Variants in WDR5 observed in about 807,000 individuals in gnomAD.
WDR5 encodes the protein WD repeat-containing protein 5.
For synonymous variants in WDR5, 144 were observed against 161.6 expected (o/e 0.89, Z 0.83); for missense variants, 187 against 416.9 (o/e 0.45, Z 4.80).
At position 134,139,910 on chromosome 9, in the gene WDR5, G is replaced by T. The variant is rs140529940; in HGVS notation, c.33G>T (p.Glu11Asp). The change falls in exon 2 of 14, where the codon GAG becomes GAT. Residue 11 changes from glutamate to aspartate, a missense_variant. By Grantham distance (45) the Glu-to-Asp change is conservative (BLOSUM62 2). Coordinates refer to ENST00000358625, the MANE Select transcript of WDR5 (RefSeq NM_017588.3). ...CGGAGGAGAAGAAGCCCGAGACCGA[G>T]GCCGCCAGAGCACAGCCAACCCCTT... MATEEKKPETEAARAQPTPSS... is the reference protein window; with the variant it reads MATEEKKPETDAARAQPTPSS... 2.4e-4 allele frequency: 394 copies of T among 1,613,402 alleles called. No homozygotes were observed. Among genetic ancestry groups the T allele is most frequent in the Non-Finnish European group, 3.2e-4 (378 of 1,180,018 alleles).
At position 134,139,943 on chromosome 9, in the gene WDR5, C is replaced by T. The variant is rs779582322; in HGVS notation, c.66C>T (p.Ser22=). 2.9e-5 allele frequency: 46 copies of T among 1,613,576 alleles called. No homozygotes were observed. Among genetic ancestry groups the T allele is most frequent in the African/African-American group, 4.0e-5 (3 of 74,880 alleles). The change falls in exon 2 of 14, where the codon TCC becomes TCT. Residue 22 remains serine, a synonymous_variant. Coordinates refer to ENST00000358625, the MANE Select transcript of WDR5 (RefSeq NM_017588.3). The part of the protein sequence containing the change: ...AARAQPTPSS[S]ATQSKPTPVK... Reference sequence around the variant, plus strand: ...GAGCACAGCCAACCCCTTCGTCATCCGCCACTCAGAGCAAGGTGCGTGCCC... The same window carrying T: ...GAGCACAGCCAACCCCTTCGTCATCTGCCACTCAGAGCAAGGTGCGTGCCC...
At chr9:134,142,826 C>A in intron 7 of WDR5, 107 bp downstream of exon 7, 2 of 1,139,924 alleles carry the variant, frequency 1.8e-6, no homozygotes, top group South Asian at 1.3e-5. Flanking sequence ...ATGGCCTGTG[C>A]CTAGCTGATT....
At position 134,152,028 on chromosome 9, in the gene WDR5, C is replaced by T. The variant is rs370007697; in HGVS notation, c.630C>T (p.Ile210=). The T allele has an allele frequency of 2.0e-5, 33 of 1,613,912 alleles. No individual in the cohort carries two copies. The highest frequency in any genetic ancestry group is 1.6e-4 in the Middle Eastern group (1 of 6,084). Residue 210 remains isoleucine (I), a splice_region_variant and synonymous_variant, in exon 9 of 14, where the codon ATC becomes ATT. Coordinates refer to ENST00000358625, the MANE Select transcript of WDR5 (RefSeq NM_017588.3). ...CAGGCCAGTGCCTGAAGACGCTCATCGGTGAGTGTGGCTCTGTGTGGGGGC... is the reference window on the plus strand; with the variant it reads ...CAGGCCAGTGCCTGAAGACGCTCATTGGTGAGTGTGGCTCTGTGTGGGGGC... ...TASGQCLKTL[I]DDDNPPVSFV...
chr9:134,140,104 ATG>A, intron 2 of WDR5, 146 bp downstream of exon 2: 1 of 955,100 alleles, frequency 1.0e-6, no homozygotes, highest in Non-Finnish European at 1.6e-6. Context: ...TATCTGGCGA[ATG>A]CTTGTTGCCT....
chr9:134,153,176 C>T (rs770864676), intron 9 of WDR5, among the ~76,000 whole-genome samples: 3 of 152,138 alleles, frequency 2.0e-5, no homozygotes, highest in East Asian at 1.9e-4. Context: ...TTGTGTGCGC[C>T]GCTGTTGTGT....
intron 4 of WDR5, 45 bp from the exon 5 acceptor site, chr9:134,141,904 C>T (rs371704581): frequency 2.5e-6 from 4 of 1,573,310 alleles, no homozygotes; most frequent in Non-Finnish European, 3.5e-6. Context: ...GCCGATGGTC[C>T]TATTTTGTCC....
chr9:134,154,758 A>G (rs1348886814), intron 10 of WDR5, among the ~76,000 whole-genome samples: 1 of 152,120 alleles, frequency 6.6e-6, no homozygotes, highest in Non-Finnish European at 1.5e-5. Flanking sequence ...CTATAGGAGG[A>G]TTTAGGGTCC....
intron 12 of WDR5, 132 bp from the exon 13 acceptor site, chr9:134,156,374 G>GT (rs2132589250): frequency 4.7e-6 from 4 of 857,310 alleles, no homozygotes; most frequent in South Asian, 1.6e-5. Flanking sequence ...GGGCTTTTTG[G>GT]TTGAGTTCAG....
intron 2 of WDR5, among the ~76,000 whole-genome samples, 198 bp from the exon 3 acceptor site, chr9:134,140,505 G>A (rs1831829735): frequency 6.6e-6 from 1 of 152,154 alleles, no homozygotes; most frequent in African/African-American, 2.4e-5. Flanking sequence ...GGTCTTGTGG[G>A]GAAGTAGTGG....
chr9:134,156,631 T>C, intron 13 of WDR5, 38 bp downstream of exon 13: 2 of 1,601,382 alleles, frequency 1.2e-6, no homozygotes, highest in African/African-American at 1.3e-5. Context: ...GGCTGCCTGT[T>C]GATGTGAGGA....
chr9:134,149,559 C>T (rs1832391400), intron 8 of WDR5, among the ~76,000 whole-genome samples: 1 of 152,208 alleles, frequency 6.6e-6, no homozygotes, highest in Non-Finnish European at 1.5e-5. Context: ...TGCCACCCTC[C>T]CGGCCCCTCT....
intron 1 of WDR5, among the ~76,000 whole-genome samples, chr9:134,136,427 G>C (rs1588164832): frequency 6.6e-6 from 1 of 151,346 alleles, no homozygotes; most frequent in South Asian, 2.1e-4. Flanking sequence ...CCCCACTCGC[G>C]CCCCCACCTC....
intron 12 of WDR5, 74 bp from the exon 13 acceptor site, chr9:134,156,432 A>T: frequency 4.3e-5 from 60 of 1,389,876 alleles, no homozygotes; most frequent in Non-Finnish European, 5.1e-5. Context: ...ATAACTGGAG[A>T]TTCTCTCCCT....
rs1831786010 is a variant in WDR5, at chr9:134,139,887, G to C, written c.10G>C (p.Glu4Gln). 1 of 1,613,490 alleles carries C rather than the reference G, an allele frequency of 6.2e-7. No homozygotes were observed. The highest frequency in any genetic ancestry group is 8.5e-7 in the Non-Finnish European group (1 of 1,180,000). ...GGCCAGCGTCAGAGCCATGGCGACG[G>C]AGGAGAAGAAGCCCGAGACCGAGGC... MAT[E>Q]EKKPETEAAR... The change falls in exon 2 of 14, where the codon GAG becomes CAG. Residue 4 changes from glutamate to glutamine, a missense_variant. Coordinates refer to ENST00000358625, the MANE Select transcript of WDR5 (RefSeq NM_017588.3).
At chr9:134,145,096 G>GTTTTTTGTTTTTTTTT (rs1316019740) in intron 7 of WDR5, among the ~76,000 whole-genome samples, 6 of 104,720 alleles carry the variant, frequency 5.7e-5, no homozygotes, top group East Asian at 3.3e-4. Context: ...GTGGGGCTTT[G>GTTTTTTGTTTTTTTTT]TTTTTTTTTT....
intron 7 of WDR5, among the ~76,000 whole-genome samples, chr9:134,146,917 G>A (rs1429067077): frequency 3.3e-5 from 5 of 152,224 alleles, no homozygotes; most frequent in African/African-American, 1.2e-4. Context: ...TGTTGGAGCA[G>A]AAACAGGTAC....
In WDR5 at chr9:134,151,944, C is replaced by G; in HGVS notation, c.585-39C>G. The G allele has an allele frequency of 3.1e-6, 5 of 1,608,522 alleles. No individual in the cohort carries two copies. The Middle Eastern group carries it at 5.0e-4, about 160-fold the overall frequency. ...CCCAGCAGCCCGCGTGAGATCATAA[C>G]TTGTCTGCTTACGCTTTTTTGTTCT... On this transcript the variant is annotated intron_variant, in intron 8 of 13. Transcript: ENST00000358625.
At chr9:134,151,309 T>G (rs1347575669) in intron 8 of WDR5, among the ~76,000 whole-genome samples, 1 of 152,078 alleles carries the variant, frequency 6.6e-6, no homozygotes, top group Admixed American at 6.6e-5. Flanking sequence ...GGCTTCTCCA[T>G]GGGTGAGAGA....
chr9:134,148,391 G>C (rs773675236), intron 8 of WDR5, 48 bp downstream of exon 8: 2 of 1,540,074 alleles, frequency 1.3e-6, no homozygotes, highest in South Asian at 1.1e-5. Context: ...CTTAACTAAG[G>C]GCCAGCTCTT....
Sources: allele counts gnomAD v4.1 joint callset (sites outside exome capture counted in the v4.1 genomes callset), GRCh38; gene constraint gnomAD v4.1.1; transcripts MANE v1.5; gene names NCBI Gene and HGNC (gene_info 2026-07-23, HGNC 2026-07-21).